The following CERS6 variants were observed in gnomAD, a reference collection of about 807,000 sequenced individuals.
CERS6 encodes the protein LAG1 homolog, ceramide synthase 6.
CERS6 carries 26 observed loss-of-function variants against 56.8 expected under a neutral mutation model. The observed-to-expected ratio is 0.46, with a 90% confidence interval of 0.34 to 0.63. CERS6 has a LOEUF of 0.63. Among genes scored for constraint, CERS6 ranks in the 30% least tolerant of loss-of-function variants. The pLI, the probability that CERS6 is intolerant of heterozygous loss-of-function variation, is 0.01. For synonymous variants in CERS6, 164 were observed against 173.3 expected (o/e 0.95, Z 0.42); for missense variants, 415 against 467.5 (o/e 0.89, Z 1.04).
Position 168,612,175 on chromosome 2 carries a change from G to A in CERS6, c.408-18810G>A, listed in dbSNP as rs566941302. On this transcript the variant is annotated intron_variant, in intron 3 of 9. Coordinates refer to ENST00000305747, the MANE Select transcript of CERS6 (RefSeq NM_203463.3). ...TTTTCATTTTGCAGATGAGAAAGAG[G>A]CATAGGGAGTGCCCAGGATCAAACA... Among the ~76,000 whole-genome samples the A allele has an allele frequency of 4.5e-4, 69 of 152,288 alleles. No homozygotes were observed. In the Middle Eastern group the frequency reaches 0.02, roughly 45 times the overall value.
chr2:168,741,146 T>C (rs1221813481), intron 8 of CERS6, among the ~76,000 whole-genome samples: 1 of 152,224 alleles, frequency 6.6e-6, no homozygotes, highest in Non-Finnish European at 1.5e-5. Flanking sequence ...CCATTCTGTC[T>C]ATATGACTGA....
chr2:168,502,171 G>T (rs1428306981), intron 1 of CERS6, among the ~76,000 whole-genome samples: 4 of 152,070 alleles, frequency 2.6e-5, no homozygotes, highest in African/African-American at 4.8e-5. Context: ...GGATCATTTT[G>T]TCTGGATTCC....
chr2:168,537,414 A>G (rs1306779331), intron 1 of CERS6, among the ~76,000 whole-genome samples: 1 of 152,192 alleles, frequency 6.6e-6, no homozygotes. Context: ...TATTTTAACA[A>G]TGCCTCTTTA....
chr2:168,574,356 T>C (rs1185695803), intron 3 of CERS6, among the ~76,000 whole-genome samples: 1 of 151,642 alleles, frequency 6.6e-6, no homozygotes, highest in Non-Finnish European at 1.5e-5. Flanking sequence ...AATACTTACG[T>C]GGCTCAATAA....
chr2:168,675,007 T>C (rs10174543), intron 4 of CERS6, among the ~76,000 whole-genome samples: 143,199 of 151,850 alleles, frequency 0.94, 67,552 homozygotes, highest in East Asian at 0.98. Flanking sequence ...GGCGGAGTCT[T>C]GCTGTGTCGC....
At chr2:168,664,097 C>T (rs1304327277) in intron 4 of CERS6, among the ~76,000 whole-genome samples, 3 of 152,218 alleles carry the variant, frequency 2.0e-5, no homozygotes, top group African/African-American at 7.2e-5. Context: ...GCTGCTGTTA[C>T]CTCTCAGAGC....
intron 4 of CERS6, among the ~76,000 whole-genome samples, chr2:168,640,318 G>A (rs1005221942): frequency 7.2e-5 from 11 of 152,208 alleles, no homozygotes; most frequent in Non-Finnish European, 1.0e-4. Context: ...GTTGCTGAAT[G>A]GAAATGTGGG....
At chr2:168,541,237 GC>G (rs1248118679) in intron 1 of CERS6, among the ~76,000 whole-genome samples, 1 of 152,132 alleles carries the variant, frequency 6.6e-6, no homozygotes, top group Non-Finnish European at 1.5e-5. Flanking sequence ...CTTCCAGAAG[GC>G]CCCACCTTTC....
intron 4 of CERS6, among the ~76,000 whole-genome samples, 178 bp from the exon 5 acceptor site, chr2:168,690,856 T>C (rs1428137940): frequency 6.6e-6 from 1 of 152,162 alleles, no homozygotes; most frequent in Non-Finnish European, 1.5e-5. Flanking sequence ...AGAGAGAATA[T>C]ATTGTATGAT....
intron 3 of CERS6, among the ~76,000 whole-genome samples, chr2:168,585,730 G>A (rs1226943085): frequency 6.6e-6 from 1 of 152,184 alleles, no homozygotes; most frequent in African/African-American, 2.4e-5. Flanking sequence ...TGTGGATCAT[G>A]GATATGCCAG....
At chr2:168,624,719 T>C (rs1684550764) in intron 3 of CERS6, among the ~76,000 whole-genome samples, 1 of 152,296 alleles carries the variant, frequency 6.6e-6, no homozygotes, top group East Asian at 1.9e-4. Flanking sequence ...TGGAAGGGAA[T>C]GTGTCACATA....
chr2:168,581,918 G>A (rs758472076), intron 3 of CERS6, among the ~76,000 whole-genome samples: 3 of 152,106 alleles, frequency 2.0e-5, no homozygotes, highest in Admixed American at 6.6e-5. Flanking sequence ...GCTCCTGTCC[G>A]GCATGGACGA....
chr2:168,723,742 ATCT>A (rs1475220685), intron 8 of CERS6, among the ~76,000 whole-genome samples: 2 of 152,354 alleles, frequency 1.3e-5, no homozygotes, highest in East Asian at 3.9e-4. Flanking sequence ...TAGAAGCATC[ATCT>A]TCTCACATTT....
intron 4 of CERS6, among the ~76,000 whole-genome samples, chr2:168,637,943 C>T (rs1166849474): frequency 2.0e-5 from 3 of 151,284 alleles, no homozygotes; most frequent in African/African-American, 2.4e-5. Flanking sequence ...AAAGACTATA[C>T]ATAGGATTAG....
At chr2:168,630,333 C>T (rs930533241) in intron 3 of CERS6, among the ~76,000 whole-genome samples, 3 of 149,824 alleles carry the variant, frequency 2.0e-5, no homozygotes, top group African/African-American at 7.4e-5. Flanking sequence ...CACACGCACA[C>T]ATCTTATATT....
chr2:168,773,793 G>A lies in CERS6; in HGVS notation c.*4131G>A, dbSNP rs1026887385. The A allele has an allele frequency of 3.9e-5, 6 of 152,174 alleles. No homozygotes were observed. The highest frequency in any genetic ancestry group is 7.3e-5 in the Non-Finnish European group (5 of 68,044). 9.4% of individuals were successfully genotyped at this position (152,174 alleles called of 1,614,324 possible). On this transcript the variant is annotated 3_prime_UTR_variant, in exon 10 of 10. Transcript: ENST00000305747. ...AGTGATGAGCACTGACTGGTTCACTGGCCACATTTTAGTTCTTCATAATAA... is the reference window on the plus strand; with the variant it reads ...AGTGATGAGCACTGACTGGTTCACTAGCCACATTTTAGTTCTTCATAATAA...
intron 1 of CERS6, among the ~76,000 whole-genome samples, chr2:168,546,994 C>T (rs1017366848): frequency 1.3e-5 from 2 of 152,140 alleles, no homozygotes; most frequent in African/African-American, 4.8e-5. Flanking sequence ...TAAACACTTG[C>T]GACTTTTCAT....
intron 3 of CERS6, among the ~76,000 whole-genome samples, chr2:168,614,861 A>G (rs527553967): frequency 6.7e-4 from 102 of 152,094 alleles, no homozygotes; most frequent in African/African-American, 2.2e-3. Context: ...TGCTCCCTAT[A>G]TTACCACAGC....
chr2:168,520,355 A>G (rs532651666), intron 1 of CERS6, among the ~76,000 whole-genome samples: 7 of 152,232 alleles, frequency 4.6e-5, no homozygotes, highest in Admixed American at 1.3e-4. Context: ...ATAGTTTGCA[A>G]ATAGTTTCTC....
Sources: gnomAD v4.1 joint callset for allele counts (sites outside exome capture counted in the v4.1 genomes callset) on GRCh38, gnomAD v4.1.1 for gene constraint, MANE v1.5 for transcripts, NCBI Gene and HGNC (gene_info 2026-07-23, HGNC 2026-07-21) for gene names.